The following RALGAPA2 variants were observed in gnomAD, a reference collection of about 807,000 sequenced individuals.
RALGAPA2 encodes ral GTPase-activating protein subunit alpha-2.
RALGAPA2 carries 139 observed loss-of-function variants against 230.4 expected under a neutral mutation model. That is an observed-to-expected ratio of 0.60 (90% CI 0.53 to 0.69). The LOEUF (loss-of-function observed/expected upper bound fraction) is 0.69, where lower values mean the gene tolerates loss of function less well. RALGAPA2 is among the 30% of genes least tolerant of loss of function. The probability of loss-of-function intolerance (pLI) is 0.00; values close to 1 mark genes in which losing one functional copy is unlikely to be tolerated. For synonymous variants in RALGAPA2, 847 were observed against 837.8 expected, an observed-to-expected ratio of 1.01 and a Z score of -0.19; for missense variants, 2,163 against 2,276.0, an observed-to-expected ratio of 0.95 and a Z score of 1.01.
At chr20:20,578,264 T>C (rs2064882335) in intron 20 of RALGAPA2, among the ~76,000 whole-genome samples, 1 of 152,156 alleles carries the variant, frequency 6.6e-6, no homozygotes, top group Admixed American at 6.6e-5. Flanking sequence ...ATTTTACATG[T>C]AGAGGGTTCC....
At chr20:20,675,866 T>A (rs2068305928) in intron 3 of RALGAPA2, among the ~76,000 whole-genome samples, 1 of 152,172 alleles carries the variant, frequency 6.6e-6, no homozygotes, top group Admixed American at 6.5e-5. Context: ...TCAGTTTATA[T>A]AACATTTTTG....
At chr20:20,643,969 T>C (rs1166532879) in intron 4 of RALGAPA2, among the ~76,000 whole-genome samples, 1 of 152,176 alleles carries the variant, frequency 6.6e-6, no homozygotes, top group Non-Finnish European at 1.5e-5. Flanking sequence ...ACCACATTTA[T>C]GGGGTTTGGT....
intron 38 of RALGAPA2, among the ~76,000 whole-genome samples, chr20:20,409,108 C>T (rs1156491436): frequency 6.6e-6 from 1 of 152,192 alleles, no homozygotes; most frequent in Non-Finnish European, 1.5e-5. Flanking sequence ...ACCTGGCCAA[C>T]CCACCCCCGC....
At chr20:20,557,458 C>T (rs941018662) in intron 23 of RALGAPA2, among the ~76,000 whole-genome samples, 29 of 152,264 alleles carry the variant, frequency 1.9e-4, no homozygotes, top group African/African-American at 5.5e-4. Context: ...GTTTATTATT[C>T]ACACTGTCTC....
In RALGAPA2 at chr20:20,391,690, T is replaced by C. The variant is rs112415868; in HGVS notation, c.*1599A>G. On this transcript the variant is annotated 3_prime_UTR_variant, in exon 40 of 40. Transcript: ENST00000202677. ...ACTGGCTCCTCAGTGAAAATGGCCGTTCTGATGGGGTGAGAGCCTCAGAAG... is the reference window on the plus strand; with the variant it reads ...ACTGGCTCCTCAGTGAAAATGGCCGCTCTGATGGGGTGAGAGCCTCAGAAG... The C allele has an allele frequency of 3.0e-4, 45 of 152,384 alleles. No homozygotes were observed. Among genetic ancestry groups the C allele is most frequent in the African/African-American group, 9.9e-4 (41 of 41,558 alleles). The allele number at this position is 152,384 out of a possible 1,614,324, so 9.4% of individuals were successfully genotyped here. A position where few individuals can be genotyped will look rare whatever the true frequency, so the allele number is the denominator to read the frequency against.
intron 33 of RALGAPA2, among the ~76,000 whole-genome samples, chr20:20,509,015 C>G (rs2062620194): frequency 6.6e-6 from 1 of 152,192 alleles, no homozygotes; most frequent in Admixed American, 6.5e-5. Flanking sequence ...ACCGCAATTA[C>G]ATGAAACCAA....
At chr20:20,552,198 T>C (rs769955114) in intron 23 of RALGAPA2, among the ~76,000 whole-genome samples, 17 of 152,186 alleles carry the variant, frequency 1.1e-4, no homozygotes, top group Non-Finnish European at 2.4e-4. Flanking sequence ...CACTTAATAT[T>C]TGCTCAGGGC....
chr20:20,513,257 A>G lies in RALGAPA2; in HGVS notation c.4112T>C (p.Ile1371Thr). 1 of 1,485,328 alleles carries G rather than the reference A, an allele frequency of 6.7e-7. No individual in the cohort carries two copies. Among genetic ancestry groups the G allele is most frequent in the Non-Finnish European group, 8.9e-7 (1 of 1,118,744 alleles). The allele number at this position is 1,485,328 out of a possible 1,614,324, so 92.0% of individuals were successfully genotyped here. A position where few individuals can be genotyped will look rare whatever the true frequency, so the allele number is the denominator to read the frequency against. ...CATCACCATTCGAGCAGTCAAAGGG[A>G]TCAACTCCAAACTTCTTCTCTTCTT... Reference protein sequence around the residue: ...EEKKRRSLELIPLTARMVMAH... With the variant: ...EEKKRRSLELTPLTARMVMAH... The change falls in exon 32 of 40, where the codon ATC becomes ACC. Residue 1371 changes from isoleucine to threonine, a missense_variant. Coordinates refer to ENST00000202677, the MANE Select transcript of RALGAPA2 (RefSeq NM_020343.4).
intron 1 of RALGAPA2, among the ~76,000 whole-genome samples, chr20:20,682,431 T>C (rs1603241153): frequency 6.6e-6 from 1 of 152,338 alleles, no homozygotes; most frequent in East Asian, 1.9e-4. Flanking sequence ...CTAGCCCATC[T>C]ACCACTAACT....
intron 38 of RALGAPA2, among the ~76,000 whole-genome samples, chr20:20,410,895 C>T (rs2060045994): frequency 6.6e-6 from 1 of 152,200 alleles, no homozygotes; most frequent in Non-Finnish European, 1.5e-5. Flanking sequence ...ATCTCCCAAG[C>T]CTTCTGCCTG....
intron 17 of RALGAPA2, among the ~76,000 whole-genome samples, chr20:20,589,993 T>G (rs1447255757): frequency 2.0e-5 from 3 of 151,376 alleles, no homozygotes; most frequent in African/African-American, 4.8e-5. Flanking sequence ...TTTAATTTTT[T>G]AACTTGACAT....
At position 20,640,619 on chromosome 20, in the gene RALGAPA2, TTCAAGAAAATGAAAAAG is replaced by T. The variant is rs1162750764; in HGVS notation, c.550+65_550+81del. On this transcript the variant is annotated intron_variant, in intron 6 of 39. Coordinates refer to ENST00000202677, the MANE Select transcript of RALGAPA2 (RefSeq NM_020343.4). ...TCTTCAGACTCCATCAGGATTTCTA[TTCAAGAAAATGAAAAAG>T]TAAGAATTCCTCAATGTAAGTTCAA... 7 of 1,356,922 alleles carry T rather than the reference TTCAAGAAAATGAAAAAG, an allele frequency of 5.2e-6. No individual in the cohort carries two copies. The East Asian group carries it at 1.6e-4, about 31-fold the overall frequency. 84.1% of individuals were successfully genotyped at this position (1,356,922 alleles called of 1,614,324 possible).
At chr20:20,568,510 A>G (rs2064522015) in intron 23 of RALGAPA2, among the ~76,000 whole-genome samples, 1 of 152,246 alleles carries the variant, frequency 6.6e-6, no homozygotes, top group Non-Finnish European at 1.5e-5. Context: ...AGATGAAACT[A>G]TAACTTTCCA....
Position 20,512,569 on chromosome 20 carries a change from G to C in RALGAPA2, c.4800C>G (p.Pro1600=). The part of the protein sequence containing the change: ...GQPSPVEPRG[P]FYFCRLLLDD... ...CAAGCAATAACCTGCAGAAATAAAAGGGTCCTCGGGGCTCCACTGGGGAGG... is the reference window on the plus strand; with the variant it reads ...CAAGCAATAACCTGCAGAAATAAAACGGTCCTCGGGGCTCCACTGGGGAGG... The change falls in exon 32 of 40, where the codon CCC becomes CCG. Residue 1600 remains proline (P), a synonymous_variant. Transcript: ENST00000202677. 6.2e-7 allele frequency: 1 copy of C among 1,612,908 alleles called. No homozygotes were observed. The highest frequency in any genetic ancestry group is 8.5e-7 in the Non-Finnish European group (1 of 1,179,566).
chr20:20,646,552 G>C (rs149108366), intron 4 of RALGAPA2, among the ~76,000 whole-genome samples: 79 of 152,238 alleles, frequency 5.2e-4, no homozygotes, highest in Middle Eastern at 3.4e-3. Flanking sequence ...TACTTGGGCT[G>C]ATTCTATGAA....
intron 23 of RALGAPA2, among the ~76,000 whole-genome samples, chr20:20,569,275 G>C (rs1287421984): frequency 6.6e-6 from 1 of 152,144 alleles, no homozygotes; most frequent in Admixed American, 6.5e-5. Context: ...AGTTTACTTA[G>C]AGTAATTCTG....
intron 8 of RALGAPA2, among the ~76,000 whole-genome samples, chr20:20,636,162 G>A (rs2066850512): frequency 6.6e-6 from 1 of 152,092 alleles, no homozygotes; most frequent in South Asian, 2.1e-4. Flanking sequence ...TTTCACCTTT[G>A]AGGCATCAAA....
chr20:20,458,220 T>C (rs1305662560), intron 37 of RALGAPA2, among the ~76,000 whole-genome samples: 2 of 151,962 alleles, frequency 1.3e-5, no homozygotes, highest in Admixed American at 6.6e-5. Context: ...AATTGAGATG[T>C]TGGAAAATGT....
At chr20:20,703,129 C>G (rs969557168) in intron 1 of RALGAPA2, among the ~76,000 whole-genome samples, 1 of 151,816 alleles carries the variant, frequency 6.6e-6, no homozygotes, top group Non-Finnish European at 1.5e-5. Flanking sequence ...GGCGAAATTG[C>G]ACCACTGAAC....
Sources: gnomAD v4.1 joint callset for allele counts (sites outside exome capture counted in the v4.1 genomes callset) on GRCh38, gnomAD v4.1.1 for gene constraint, MANE v1.5 for transcripts, NCBI Gene and HGNC (gene_info 2026-07-23, HGNC 2026-07-21) for gene names.